Variants in CLIP2 observed in about 807,000 individuals in gnomAD.
CLIP2 encodes the protein CAP-Gly domain containing linker protein 2, also known as CAP-Gly domain-containing linker protein 2.
Under a neutral mutation model 111.7 loss-of-function variants are expected in CLIP2, and 41 were observed. The observed-to-expected ratio is 0.37, with a 90% CI of 0.29 to 0.48. CLIP2 has a LOEUF of 0.48. Among genes scored for constraint, CLIP2 ranks in the 20% least tolerant of loss-of-function variants. CLIP2 has a pLI of 0.99. For synonymous variants in CLIP2, 660 were observed against 644.2 expected, an observed-to-expected ratio of 1.02 and a Z score of -0.37; for missense variants, 1,160 against 1,422.1, an observed-to-expected ratio of 0.82 and a Z score of 2.96.
chr7:74,291,649 TCA>T (rs1200018323), intron 1 of CLIP2, among the ~76,000 whole-genome samples: 5 of 152,194 alleles, frequency 3.3e-5, no homozygotes, highest in Non-Finnish European at 2.9e-5. Context: ...CTGGCCCCAC[TCA>T]CACACGTTTC....
intron 10 of CLIP2, among the ~76,000 whole-genome samples, chr7:74,377,115 C>G (rs1225922901): frequency 3.3e-5 from 5 of 152,096 alleles, no homozygotes; most frequent in Non-Finnish European, 7.4e-5. Flanking sequence ...AGAGGACGGG[C>G]TTTGATTTAC....
intron 9 of CLIP2, among the ~76,000 whole-genome samples, chr7:74,373,428 G>A (rs1429014170): frequency 6.6e-6 from 1 of 152,180 alleles, no homozygotes; most frequent in Non-Finnish European, 1.5e-5. Context: ...AACCTGGGAG[G>A]TGGAGGTTGC....
chr7:74,403,746 C>T (rs1460709200), intron 16 of CLIP2, 91 bp from the exon 17 acceptor site: 1 of 1,375,702 alleles, frequency 7.3e-7, no homozygotes, highest in Non-Finnish European at 1.0e-6. Flanking sequence ...CCCACCCGGC[C>T]CCAACTCCTT....
intron 1 of CLIP2, among the ~76,000 whole-genome samples, chr7:74,312,636 C>T (rs1554728651): frequency 6.6e-6 from 1 of 152,168 alleles, no homozygotes; most frequent in African/African-American, 2.4e-5. Flanking sequence ...GGGCCAGGTT[C>T]TGAGGACGAA....
chr7:74,375,892 C>T lies in CLIP2; in HGVS notation c.1491C>T (p.Thr497=). 6.5e-7 allele frequency: 1 copy of T among 1,547,868 alleles called. No homozygotes were observed. Among genetic ancestry groups the T allele is most frequent in the Non-Finnish European group, 8.7e-7 (1 of 1,147,278 alleles). The change falls in exon 10 of 17, where the codon ACC becomes ACT. Residue 497 remains threonine (T), a synonymous_variant. Coordinates refer to ENST00000223398, the MANE Select transcript of CLIP2 (RefSeq NM_003388.5). ...LLRELADNRL[T]TVAEKSRVLQ... is the part of the protein sequence containing the mutation. ...GTCTCCCTCTCTCCCCACAGCTGAC[C>T]ACAGTGGCCGAGAAGTCGCGCGTGC...
At chr7:74,320,957 AG>A (rs1554729941) in intron 2 of CLIP2, among the ~76,000 whole-genome samples, 2 of 26,726 alleles carry the variant, frequency 7.5e-5, no homozygotes, top group Non-Finnish European at 4.2e-4. Flanking sequence ...GCGTGCAGCG[AG>A]AGAGTCTTAT....
intron 2 of CLIP2, among the ~76,000 whole-genome samples, chr7:74,333,454 G>C (rs1281451795): frequency 6.6e-6 from 1 of 151,260 alleles, no homozygotes; most frequent in Non-Finnish European, 1.5e-5. Context: ...AAAGTGCTGG[G>C]ATTACAGGCA....
At position 74,353,748 on chromosome 7, in the gene CLIP2, C is replaced by T. The variant is rs1017016930; in HGVS notation, c.679-132C>T. On this transcript the variant is annotated intron_variant, in intron 3 of 16. Coordinates refer to ENST00000223398, the MANE Select transcript of CLIP2 (RefSeq NM_003388.5). The stretch of plus-strand genomic sequence containing the variant: ...CTCAATCATCCTTAGGTGTCTCTCC[C>T]TCCCCACTCCTGGCTCCCGTGTCCT... 4.0e-6 allele frequency: 5 copies of T among 1,247,010 alleles called. No individual in the cohort carries two copies. The African/African-American group carries it at 5.9e-5, about 15-fold the overall frequency. 77.2% of individuals were successfully genotyped at this position (1,247,010 alleles called of 1,614,324 possible).
chr7:74,298,772 G>A (rs1488314313), intron 1 of CLIP2, among the ~76,000 whole-genome samples: 6 of 151,982 alleles, frequency 3.9e-5, no homozygotes, highest in African/African-American at 1.4e-4. Flanking sequence ...GACCTCAGGT[G>A]ATTGTCACCG....
chr7:74,401,630 C>A (rs782064092), intron 16 of CLIP2, 63 bp downstream of exon 16: 1 of 1,486,098 alleles, frequency 6.7e-7, no homozygotes, highest in Admixed American at 1.8e-5. Context: ...GGAGAAAATC[C>A]TTGAAACGTC....
intron 3 of CLIP2, among the ~76,000 whole-genome samples, chr7:74,350,379 T>G (rs1554307264): frequency 1.3e-5 from 2 of 151,954 alleles, no homozygotes; most frequent in Non-Finnish European, 2.9e-5. Flanking sequence ...TTGTTGTATT[T>G]TATTTTTTAT....
At chr7:74,325,693 G>A (rs1255593097) in intron 2 of CLIP2, among the ~76,000 whole-genome samples, 5 of 151,638 alleles carry the variant, frequency 3.3e-5, no homozygotes, top group African/African-American at 1.2e-4. Flanking sequence ...TTAGCTGGGC[G>A]TGGTGGCACA....
At chr7:74,304,236 T>A (rs1293699753) in intron 1 of CLIP2, among the ~76,000 whole-genome samples, 6 of 151,850 alleles carry the variant, frequency 4.0e-5, no homozygotes, top group Admixed American at 3.3e-4. Context: ...TTTAAAAAAA[T>A]GATTAAGAAG....
chr7:74,312,338 G>C (rs782468987), intron 1 of CLIP2, among the ~76,000 whole-genome samples: 4 of 152,034 alleles, frequency 2.6e-5, no homozygotes, highest in South Asian at 2.1e-4. Flanking sequence ...AGGCCCTGGT[G>C]GGGGGGCGGG....
rs562231001 is a variant in CLIP2, at chr7:74,349,358, G to A, written c.679-4522G>A. Among the ~76,000 whole-genome samples the A allele has an allele frequency of 6.0e-5, 9 of 149,206 alleles. 1 individual carries two copies. In the South Asian group the frequency reaches 1.9e-3, roughly 32 times the overall value. On this transcript the variant is annotated intron_variant, in intron 3 of 16. Coordinates refer to ENST00000223398, the MANE Select transcript of CLIP2 (RefSeq NM_003388.5). ...AGGCAGGAGAATCACTTGAACCCAG[G>A]AGGCAGAGGTTGCGGTCAGCTGAGA...
intron 2 of CLIP2, among the ~76,000 whole-genome samples, chr7:74,326,059 T>G (rs1789096997): frequency 6.6e-6 from 1 of 151,782 alleles, no homozygotes; most frequent in Non-Finnish European, 1.5e-5. Context: ...GCCAACATGG[T>G]GAAACCTCGT....
chr7:74,310,482 C>T (rs1441856610), intron 1 of CLIP2, among the ~76,000 whole-genome samples: 1 of 151,544 alleles, frequency 6.6e-6, no homozygotes, highest in Non-Finnish European at 1.5e-5. Context: ...ATGATTGCAC[C>T]ACTACACTCA....
At chr7:74,311,715 G>A (rs987428213) in intron 1 of CLIP2, among the ~76,000 whole-genome samples, 3 of 151,702 alleles carry the variant, frequency 2.0e-5, no homozygotes, top group Non-Finnish European at 2.9e-5. Context: ...TTTGAGACCA[G>A]CCTGGGCAAT....
rs113731885 is a variant in CLIP2, at chr7:74,336,069, A to ATTATT, written c.122-2377_122-2376insATTTT. On this transcript the variant is annotated intron_variant, in intron 2 of 16. Coordinates refer to ENST00000223398, the MANE Select transcript of CLIP2 (RefSeq NM_003388.5). ...TCTTCTTTTCTCTTTTTTCTTTTCT[A>ATTATT]TTCTTTTCTTTTCTTTCAGATAGAG... Among the ~76,000 whole-genome samples, 691 of 147,644 alleles carry ATTATT rather than the reference A, an allele frequency of 4.7e-3. 3 individuals carry two copies. The highest frequency in any genetic ancestry group is 0.014 in the African/African-American group (546 of 40,004).
Sources: allele counts gnomAD v4.1 joint callset (sites outside exome capture counted in the v4.1 genomes callset), GRCh38; gene constraint gnomAD v4.1.1; transcripts MANE v1.5; gene names NCBI Gene and HGNC (gene_info 2026-07-23, HGNC 2026-07-21).